Variants in C16orf74 observed in about 807,000 individuals in gnomAD.
C16orf74 encodes the protein uncharacterized protein C16orf74.
Under a neutral mutation model 6.5 loss-of-function variants are expected in C16orf74, and 10 were observed. The ratio of observed to expected loss-of-function variants is 1.54; its 90% confidence interval spans 0.95 to 2.61. The LOEUF is 2.61. Ranked by LOEUF, C16orf74 falls within the 30% of genes most tolerant of loss-of-function variation. The pLI, the probability that C16orf74 is intolerant of heterozygous loss-of-function variation, is 0.00. For missense variants in C16orf74, 141 were observed against 105.9 expected, an observed-to-expected ratio of 1.33 and a Z score of -1.45; for synonymous variants, 60 against 42.5, an observed-to-expected ratio of 1.41 and a Z score of -1.60.
At position 85,710,287 on chromosome 16, in the gene C16orf74, T is replaced by G. The variant is rs752836530; in HGVS notation, c.49A>C (p.Ser17Arg). 3.5e-5 allele frequency: 53 copies of G among 1,511,430 alleles called. 1 individual carries two copies. In the South Asian group the frequency reaches 6.8e-4, roughly 19 times the overall value. The allele number at this position is 1,511,430 out of a possible 1,614,324, so 93.6% of individuals were successfully genotyped here. ...CLKGFQMCVS[S>R]SSSSHDEAPV... ...GCCTCGTCGTGGCTGCTGCTGCTGC[T>G]GCTGACACACATTTGAAAGCCTGAG... The change falls in exon 3 of 4, where the codon AGC (serine) becomes CGC (arginine). Residue 17 changes from serine (S) to arginine (R), a missense_variant. Transcript: ENST00000284245.
At chr16:85,738,742 C>T (rs570616300) in intron 1 of C16orf74, among the ~76,000 whole-genome samples, 5 of 151,858 alleles carry the variant, frequency 3.3e-5, no homozygotes, top group South Asian at 4.2e-4. Context: ...GGCTGAGGGA[C>T]GGAGGGCCCA....
chr16:85,744,307 C>T (rs1425117120), intron 1 of C16orf74: 2 of 148,304 alleles, frequency 1.3e-5, no homozygotes, highest in Non-Finnish European at 3.0e-5. Flanking sequence ...AGATTTAAGG[C>T]AAGGATACCC....
At chr16:85,736,555 C>G (rs186508116) in intron 1 of C16orf74, among the ~76,000 whole-genome samples, 1 of 152,184 alleles carries the variant, frequency 6.6e-6, no homozygotes, top group East Asian at 1.9e-4. Context: ...AAGACATAGA[C>G]CGGGGCCTTG....
rs998957741 is a variant in C16orf74 at position 85,708,038 on chromosome 16, T to G, written c.201A>C (p.Pro67=). Residue 67 remains proline (P), a synonymous_variant, in exon 4 of 4, where the codon CCA becomes CCC. Transcript: ENST00000284245. ...CTTCTGGGTCGATTTCTCCATCATC[T>G]GGGCACGACCCTGTCTCATCCAGCC... ...TVWLDETGSC[P]DDGEIDPEA The G allele has an allele frequency of 3.2e-6, 5 of 1,553,462 alleles. No homozygotes were observed. In the African/African-American group the frequency reaches 4.1e-5, roughly 13 times the overall value.
chr16:85,746,845 C>G (rs1462413237), intron 1 of C16orf74, among the ~76,000 whole-genome samples: 2 of 152,192 alleles, frequency 1.3e-5, no homozygotes, highest in African/African-American at 4.8e-5. Flanking sequence ...TTAGGAAAGC[C>G]ACTTTCTTTC....
Position 85,735,306 on chromosome 16 carries a change from C to T in C16orf74, c.-18-71G>A, listed in dbSNP as rs539571450. ...TTGTATTGGCCACGTGCAGCCGGGC[C>T]CCCACCCTTGGCCCTGATGAGTGCA... is the stretch of plus-strand genomic sequence containing the variant. On this transcript the variant is annotated intron_variant, in intron 1 of 3. Transcript: ENST00000284245. The T allele has an allele frequency of 9.6e-5, 117 of 1,220,982 alleles. No homozygotes were observed. The African/African-American group carries it at 1.7e-3, about 18-fold the overall frequency. The allele number at this position is 1,220,982 out of a possible 1,614,324, so 75.6% of individuals were successfully genotyped here.
chr16:85,744,456 C>T (rs2054347110), intron 1 of C16orf74, among the ~76,000 whole-genome samples: 1 of 151,810 alleles, frequency 6.6e-6, no homozygotes, highest in African/African-American at 2.4e-5. Context: ...GTTTATGTTC[C>T]CGTTGAAATA....
At chr16:85,710,004 C>T (rs1027360239) in intron 3 of C16orf74, among the ~76,000 whole-genome samples, 160 bp downstream of exon 3, 2 of 152,362 alleles carry the variant, frequency 1.3e-5, no homozygotes, top group East Asian at 3.9e-4. Context: ...GCAGGGGGCT[C>T]ACGGTGCAGT....
intron 3 of C16orf74, among the ~76,000 whole-genome samples, chr16:85,709,644 GCTGCCGATTTGGGCCT>G (rs2152057218): frequency 1.3e-5 from 2 of 152,290 alleles, no homozygotes; most frequent in South Asian, 4.1e-4. Flanking sequence ...GGCAGGTAGG[GCTGCCGATTTGGGCCT>G]CTGTCTCCCA....
rs751825593 is a variant in C16orf74, at chr16:85,710,272, GGCTGCT to G, written c.58_63del (p.Ser20_Ser21del). The G allele has an allele frequency of 6.9e-3, 10,444 of 1,509,930 alleles. 46 individuals carry two copies. Among genetic ancestry groups the G allele is most frequent in the Non-Finnish European group, 8.0e-3 (9,158 of 1,138,266 alleles). 93.5% of individuals were successfully genotyped at this position (1,509,930 alleles called of 1,614,324 possible). On this transcript the variant is annotated inframe_deletion, in exon 3 of 4. Transcript: ENST00000284245. Reference sequence around the variant, plus strand: ...TCGTTCAGGACGGGGGCCTCGTCGTGGCTGCTGCTGCTGCTGCTGACACACATTTGA... The same window carrying G: ...TCGTTCAGGACGGGGGCCTCGTCGTGGCTGCTGCTGCTGACACACATTTGA...
intron 1 of C16orf74, among the ~76,000 whole-genome samples, chr16:85,735,608 A>G (rs2054235654): frequency 6.6e-6 from 1 of 152,102 alleles, no homozygotes; most frequent in Admixed American, 6.5e-5. Context: ...CCGCAGCTGC[A>G]GAGATGTGAA....
chr16:85,734,562 G>A (rs1460591076), intron 2 of C16orf74, among the ~76,000 whole-genome samples: 1 of 152,194 alleles, frequency 6.6e-6, no homozygotes, highest in Non-Finnish European at 1.5e-5. Flanking sequence ...CAGACCAGGG[G>A]CCGCCCACGT....
At chr16:85,726,624 G>C (rs969211757) in intron 2 of C16orf74, among the ~76,000 whole-genome samples, 3 of 152,192 alleles carry the variant, frequency 2.0e-5, no homozygotes, top group Admixed American at 2.0e-4. Flanking sequence ...TCCTGGTTCA[G>C]CGGGGACTGG....
intron 2 of C16orf74, among the ~76,000 whole-genome samples, chr16:85,713,028 C>T (rs576034397): frequency 2.0e-5 from 3 of 152,166 alleles, no homozygotes; most frequent in Admixed American, 6.5e-5. Context: ...AACAAAGCAC[C>T]GTCAACCAGG....
chr16:85,719,913 TGAGGCAGGAACAG>T (rs1447669533), intron 2 of C16orf74, among the ~76,000 whole-genome samples: 2 of 152,032 alleles, frequency 1.3e-5, no homozygotes, highest in African/African-American at 4.8e-5. Flanking sequence ...GCAAAGGCCC[TGAGGCAGGAACAG>T]AGGGGCCACA....
intron 2 of C16orf74, among the ~76,000 whole-genome samples, chr16:85,726,404 G>A (rs1190741661): frequency 2.0e-5 from 3 of 152,052 alleles, no homozygotes; most frequent in African/African-American, 7.3e-5. Flanking sequence ...CAGCACCATG[G>A]AACAGCGACT....
chr16:85,717,557 C>T lies in C16orf74; in HGVS notation c.29-7250G>A, dbSNP rs868592043. Among the ~76,000 whole-genome samples the T allele has an allele frequency of 3.9e-5, 6 of 152,120 alleles. No homozygotes were observed. The South Asian group carries it at 6.2e-4, about 16-fold the overall frequency. On this transcript the variant is annotated intron_variant, in intron 2 of 3. Transcript: ENST00000284245. ...GCCAAGTGTGGGGAGAAATGACCCTCGGGGAGCCAGCTGGCCGGGGCCTAG... is the reference window on the plus strand; with the variant it reads ...GCCAAGTGTGGGGAGAAATGACCCTTGGGGAGCCAGCTGGCCGGGGCCTAG...
intron 2 of C16orf74, among the ~76,000 whole-genome samples, chr16:85,723,183 C>T (rs1298484260): frequency 2.0e-5 from 3 of 151,290 alleles, no homozygotes; most frequent in Non-Finnish European, 4.4e-5. Flanking sequence ...TCACTTGAAC[C>T]CAGGAGGTGG....
At chr16:85,710,058 G>A (rs564086019) in intron 3 of C16orf74, 106 bp downstream of exon 3, 2 of 937,434 alleles carry the variant, frequency 2.1e-6, no homozygotes, top group East Asian at 3.3e-5. Flanking sequence ...CCAGTGGGAG[G>A]TGGGGACGCA....
Sources: allele counts gnomAD v4.1 joint callset (sites outside exome capture counted in the v4.1 genomes callset), GRCh38; gene constraint gnomAD v4.1.1; transcripts MANE v1.5; gene names NCBI Gene and HGNC (gene_info 2026-07-23, HGNC 2026-07-21).